The following SURF4 variants were observed in gnomAD, a reference collection of about 807,000 sequenced individuals.
SURF4 encodes the protein surfeit locus protein 4.
SURF4 carries 3 observed loss-of-function variants against 30.0 expected under a neutral mutation model. The ratio of observed to expected loss-of-function variants is 0.10; its 90% confidence interval spans 0.05 to 0.26. The LOEUF (loss-of-function observed/expected upper bound fraction) is 0.26. SURF4 is among the 10% of genes least tolerant of loss of function. The pLI, the probability that SURF4 is intolerant of heterozygous loss-of-function variation, is 1.00. For synonymous variants in SURF4, 143 were observed against 139.9 expected (o/e 1.02, Z -0.16); for missense variants, 217 against 350.8 (o/e 0.62, Z 3.05).
Position 133,375,923 on chromosome 9 carries a change from T to G in SURF4, c.47A>C (p.Gln16Pro). 1 of 1,228,636 alleles carries G rather than the reference T, an allele frequency of 8.1e-7. No individual in the cohort carries two copies. Among genetic ancestry groups the G allele is most frequent in the Non-Finnish European group, 1.0e-6 (1 of 982,164 alleles). The allele number at this position is 1,228,636 out of a possible 1,614,324, so 76.1% of individuals were successfully genotyped here. A position where few individuals can be genotyped will look rare whatever the true frequency, so the allele number is the denominator to read the frequency against. Residue 16 changes from glutamine (Q) to proline (P), a missense_variant and splice_region_variant, in exon 1 of 6, where the codon CAG (glutamine) becomes CCG (proline). Coordinates refer to ENST00000371989, the MANE Select transcript of SURF4 (RefSeq NM_033161.4). ...LMGTAEDFAD[Q>P]FLRVTKQYLP... ...GGGGGAGGAGCCCGCAGGCCGCACCTGGTCGGCGAAGTCCTCGGCCGTGCC... is the reference window on the plus strand; with the variant it reads ...GGGGGAGGAGCCCGCAGGCCGCACCGGGTCGGCGAAGTCCTCGGCCGTGCC...
intron 1 of SURF4, 69 bp from the exon 2 acceptor site, chr9:133,367,514 T>G (rs2130144403): frequency 6.3e-7 from 1 of 1,599,622 alleles, no homozygotes; most frequent in Non-Finnish European, 8.5e-7. Context: ...GCCAGGCACG[T>G]CCTTGGGCGG....
intron 1 of SURF4, among the ~76,000 whole-genome samples, chr9:133,374,291 G>A (rs587701252): frequency 1.3e-5 from 2 of 152,068 alleles, no homozygotes; most frequent in Non-Finnish European, 2.9e-5. Context: ...CGTGGCTCAC[G>A]CCTGTAATCC....
At chr9:133,376,639 G>C (rs1006524501), upstream of SURF4, 1 of 1,328,376 alleles carries the variant, frequency 7.5e-7, no homozygotes. Context: ...CGGCGGTTCC[G>C]ACCGAGGGCG....
At chr9:133,375,848 G>A (rs1837882763) in intron 1 of SURF4, 74 bp downstream of exon 1, 3 of 1,202,864 alleles carry the variant, frequency 2.5e-6, no homozygotes, top group Admixed American at 4.4e-5. Context: ...GCCCTGCGCT[G>A]GGAGGCCGAC....
chr9:133,368,916 C>T (rs1588714174), intron 1 of SURF4, among the ~76,000 whole-genome samples: 2 of 152,220 alleles, frequency 1.3e-5, no homozygotes, highest in African/African-American at 2.4e-5. Flanking sequence ...CCACGGGAGG[C>T]GAGCGAACGT....
Position 133,363,181 on chromosome 9 carries a change from A to C in SURF4, c.*312T>G. On this transcript the variant is annotated 3_prime_UTR_variant, in exon 6 of 6. Coordinates refer to ENST00000371989, the MANE Select transcript of SURF4 (RefSeq NM_033161.4). This position sits in a 1 kb window ranked among gnomAD's most constrained non-coding sequence, Gnocchi z 4.3. ...TGAAGGCCCCCTCCTGTACCCCCAC[A>C]AAAAAACTCAAAAATAGGACTGAGA... 1.7e-6 allele frequency: 1 copy of C among 587,076 alleles called. No homozygotes were observed. The highest frequency in any genetic ancestry group is 3.0e-5 in the Admixed American group (1 of 33,578). 36.4% of individuals were successfully genotyped at this position (587,076 alleles called of 1,614,324 possible). A position where few individuals can be genotyped will look rare whatever the true frequency, so the allele number is the denominator to read the frequency against.
intron 1 of SURF4, chr9:133,370,790 T>TC (rs2130182276): frequency 1.5e-4 from 155 of 1,053,816 alleles, no homozygotes; most frequent in Non-Finnish European, 1.8e-4. Context: ...ACAGTCCCCC[T>TC]CCCCCCCATT....
chr9:133,376,221 C>T, upstream of SURF4: 5 of 1,283,058 alleles, frequency 3.9e-6, no homozygotes, highest in Non-Finnish European at 4.9e-6. Context: ...AAGCCACGCC[C>T]GCCGCGCTCG....
At chr9:133,368,865 T>C (rs2130163862) in intron 1 of SURF4, among the ~76,000 whole-genome samples, 2 of 152,164 alleles carry the variant, frequency 1.3e-5, no homozygotes, top group Non-Finnish European at 2.9e-5. Flanking sequence ...CCAACGCATG[T>C]TGGGAAGCCA....
At chr9:133,370,743 T>A (rs1244431967) in intron 1 of SURF4, 1 of 604,406 alleles carries the variant, frequency 1.7e-6, no homozygotes, top group Non-Finnish European at 2.7e-6. Flanking sequence ...AGCACACAGG[T>A]GACCTGTGTA....
intron 3 of SURF4, among the ~76,000 whole-genome samples, chr9:133,366,348 C>T (rs1837171853): frequency 6.6e-6 from 1 of 152,218 alleles, no homozygotes. Flanking sequence ...ATCCTGGCTG[C>T]AGCCAAGCTC....
chr9:133,373,189 T>C (rs1837609154), intron 1 of SURF4, among the ~76,000 whole-genome samples: 1 of 151,726 alleles, frequency 6.6e-6, no homozygotes, highest in African/African-American at 2.4e-5. Flanking sequence ...CAGGCAAGTC[T>C]AGGAGCCTGA....
intron 4 of SURF4, among the ~76,000 whole-genome samples, 157 bp from the exon 5 acceptor site, chr9:133,365,183 G>A (rs1212201579): frequency 5.3e-5 from 8 of 152,044 alleles, no homozygotes; most frequent in Non-Finnish European, 1.0e-4. Context: ...GCAGGCATGC[G>A]CACAGGACCT....
At position 133,363,309 on chromosome 9, in the gene SURF4, C is replaced by G; in HGVS notation, c.*184G>C. 1 of 1,037,542 alleles carries G rather than the reference C, an allele frequency of 9.6e-7. No homozygotes were observed. The highest frequency in any genetic ancestry group is 1.4e-5 in the South Asian group (1 of 72,796). 64.3% of individuals were successfully genotyped at this position (1,037,542 alleles called of 1,614,324 possible). The stretch of plus-strand genomic sequence containing the variant: ...AAGGGTCAGACGCCAGACTGTGGCT[C>G]CAGAGCAGACTGAGCCATCGATTCT... On this transcript the variant is annotated 3_prime_UTR_variant, in exon 6 of 6. Transcript: ENST00000371989. The surrounding 1 kb of genome is among the most constrained non-coding windows in gnomAD (Gnocchi z 4.3).
rs1182724353 is a variant in SURF4, at chr9:133,375,997, C to CG, written c.-29dup. 32 of 1,206,430 alleles carry CG rather than the reference C, an allele frequency of 2.7e-5. No individual in the cohort carries two copies. The highest frequency in any genetic ancestry group is 5.6e-5 in the African/African-American group (3 of 53,198). 74.7% of individuals were successfully genotyped at this position (1,206,430 alleles called of 1,614,324 possible). On this transcript the variant is annotated 5_prime_UTR_variant, in exon 1 of 6. Transcript: ENST00000371989. ...CGACGGCGGGAGGCTCGGCTCGGCT[C>CG]GCTCGCTCGCTCGCTGGCTCTCGCC...
intron 1 of SURF4, among the ~76,000 whole-genome samples, chr9:133,367,892 G>A (rs143831845): frequency 6.6e-5 from 10 of 152,344 alleles, no homozygotes; most frequent in African/African-American, 2.2e-4. Context: ...TCTATCCAAC[G>A]TTTCTGCACC....
intron 2 of SURF4, 148 bp from the exon 3 acceptor site, chr9:133,366,823 G>A: frequency 7.4e-6 from 5 of 676,276 alleles, no homozygotes; most frequent in Non-Finnish European, 1.3e-5. Flanking sequence ...AAGAATTAAT[G>A]ATAGGCAAGG....
At chr9:133,376,094 G>T (rs1468882115), upstream of SURF4, 1 of 1,203,956 alleles carries the variant, frequency 8.3e-7, no homozygotes, top group African/African-American at 1.6e-5. Flanking sequence ...CGTCGGCTGC[G>T]GCTCCAGCGG....
chr9:133,363,667 G>A lies in SURF4; in HGVS notation c.636C>T (p.Leu212=), dbSNP rs1432062389. ...KLAALTLVVW[L]FAINVYFNAF... ...CGTTGAAATATACGTTGATGGCAAA[G>A]AGCCACACAACAAGAGTCAAAGCAG... The change falls in exon 6 of 6, where the codon CTC becomes CTT. Residue 212 remains leucine (L), a synonymous_variant. Coordinates refer to ENST00000371989, the MANE Select transcript of SURF4 (RefSeq NM_033161.4). The surrounding 1 kb of genome is among the most constrained non-coding windows in gnomAD (Gnocchi z 4.3). The A allele has an allele frequency of 1.2e-6, 2 of 1,614,106 alleles. No homozygotes were observed. The highest frequency in any genetic ancestry group is 1.3e-5 in the African/African-American group (1 of 74,930).
Sources: allele counts gnomAD v4.1 joint callset (sites outside exome capture counted in the v4.1 genomes callset), GRCh38; gene constraint gnomAD v4.1.1; non-coding constraint Gnocchi (gnomAD v3.1); transcripts MANE v1.5; gene names NCBI Gene and HGNC (gene_info 2026-07-23, HGNC 2026-07-21).